Variants in ERC1 observed in about 807,000 individuals in gnomAD.
ERC1 encodes RAB6 interacting protein 2.
Under a neutral mutation model 132.0 loss-of-function variants are expected in ERC1, and 56 were observed. The observed-to-expected ratio is 0.42, with a 90% CI of 0.34 to 0.53. The LOEUF is 0.53. Ranked by LOEUF, ERC1 falls within the 20% of genes least tolerant of loss-of-function variation. The probability of loss-of-function intolerance (pLI) is 0.03; values close to 1 mark genes in which losing one functional copy is unlikely to be tolerated. For synonymous variants in ERC1, 478 were observed against 476.1 expected, an observed-to-expected ratio of 1.00 and a Z score of -0.05; for missense variants, 1,202 against 1,349.9, an observed-to-expected ratio of 0.89 and a Z score of 1.72.
intron 14 of ERC1, among the ~76,000 whole-genome samples, chr12:1,282,178 A>G (rs1233900058): frequency 6.6e-6 from 1 of 152,152 alleles, no homozygotes; most frequent in Non-Finnish European, 1.5e-5. Context: ...TGATTTTGGT[A>G]AACACTGATA....
At chr12:1,013,048 TC>T (rs1964957325) in intron 1 of ERC1, among the ~76,000 whole-genome samples, 1 of 152,198 alleles carries the variant, frequency 6.6e-6, no homozygotes, top group Non-Finnish European at 1.5e-5. Context: ...TTTACTTTGT[TC>T]AGCTTAATCA....
At chr12:1,037,816 G>A (rs573325948) in intron 2 of ERC1, among the ~76,000 whole-genome samples, 12 of 151,996 alleles carry the variant, frequency 7.9e-5, no homozygotes, top group Non-Finnish European at 1.2e-4. Flanking sequence ...AGGCCGAGGC[G>A]GGCAGATCAT....
chr12:1,358,927 A>G (rs898681921), intron 15 of ERC1, among the ~76,000 whole-genome samples: 1 of 151,624 alleles, frequency 6.6e-6, no homozygotes, highest in Non-Finnish European at 1.5e-5. Context: ...TTCAACCGTT[A>G]TAGTTTGGCA....
chr12:1,372,279 CT>C lies in ERC1; in HGVS notation c.2925+312del, dbSNP rs567234245. On this transcript the variant is annotated intron_variant, in intron 16 of 18. Coordinates refer to ENST00000360905, the MANE Select transcript of ERC1 (RefSeq NM_178040.4). ...AATTAGCCCATTTGACATGAAAAGG[CT>C]TTTTTTTTTAAACATCCAGCAAGAT... 1.3e-3 allele frequency among the ~76,000 whole-genome samples: 195 copies of C among 148,144 alleles called. 1 individual carries two copies. The highest frequency in any genetic ancestry group is 4.1e-3 in the East Asian group (21 of 5,106).
intron 1 of ERC1, among the ~76,000 whole-genome samples, chr12:1,012,589 C>T (rs941388939): frequency 2.0e-5 from 3 of 150,788 alleles, no homozygotes; most frequent in East Asian, 2.0e-4. Flanking sequence ...TCTTCTGCCT[C>T]AGCCTCCCAA....
At chr12:1,320,517 A>G (rs2082043599) in intron 15 of ERC1, among the ~76,000 whole-genome samples, 1 of 152,214 alleles carries the variant, frequency 6.6e-6, no homozygotes, top group Non-Finnish European at 1.5e-5. Context: ...AGTTACTTCT[A>G]ACAGTTTGCC....
chr12:1,484,942 A>T (rs73601971), intron 18 of ERC1, among the ~76,000 whole-genome samples: 10,995 of 149,908 alleles, frequency 0.073, 1,343 homozygotes, highest in African/African-American at 0.25. Context: ...GTGCAGCAAT[A>T]CAATCACATA....
At chr12:1,357,872 AG>A (rs1255821948) in intron 15 of ERC1, among the ~76,000 whole-genome samples, 1 of 152,162 alleles carries the variant, frequency 6.6e-6, no homozygotes, top group African/African-American at 2.4e-5. Context: ...CCAGATCTCC[AG>A]CGCAGATCAG....
chr12:1,147,666 T>C (rs1279094069), intron 8 of ERC1, among the ~76,000 whole-genome samples: 2 of 152,216 alleles, frequency 1.3e-5, no homozygotes, highest in Non-Finnish European at 2.9e-5. Flanking sequence ...TCTTTAAGTG[T>C]AGGATATTAT....
At chr12:1,084,938 G>A (rs1942779267) in intron 3 of ERC1, among the ~76,000 whole-genome samples, 1 of 152,210 alleles carries the variant, frequency 6.6e-6, no homozygotes, top group Non-Finnish European at 1.5e-5. Flanking sequence ...CTGGCCTCAA[G>A]CAATCCTCCC....
At chr12:1,350,228 T>C (rs1217920464) in intron 15 of ERC1, among the ~76,000 whole-genome samples, 1 of 152,180 alleles carries the variant, frequency 6.6e-6, no homozygotes, top group East Asian at 1.9e-4. Flanking sequence ...TCATTCTGAA[T>C]TTAGTATCTA....
At chr12:1,320,903 G>A (rs764517156) in intron 15 of ERC1, among the ~76,000 whole-genome samples, 44 of 152,138 alleles carry the variant, frequency 2.9e-4, no homozygotes, top group Non-Finnish European at 4.6e-4. Context: ...GGGTTTCACC[G>A]TGTTAGCCAG....
At chr12:1,424,859 TA>T (rs200327181) in intron 17 of ERC1, among the ~76,000 whole-genome samples, 4 of 117,470 alleles carry the variant, frequency 3.4e-5, no homozygotes, top group African/African-American at 8.1e-5. Context: ...GATAGATAGA[TA>T]GATCGATAGA....
chr12:1,470,310 C>A (rs1046167774), intron 18 of ERC1, among the ~76,000 whole-genome samples: 1 of 152,102 alleles, frequency 6.6e-6, no homozygotes, highest in Non-Finnish European at 1.5e-5. Flanking sequence ...CCTGCCTGGC[C>A]TGAGAGATTG....
chr12:1,029,219 G>A (rs1011842163), intron 2 of ERC1, among the ~76,000 whole-genome samples: 2 of 152,124 alleles, frequency 1.3e-5, no homozygotes, highest in East Asian at 1.9e-4. Flanking sequence ...AGGTGTGATG[G>A]CGTGTGCCTG....
chr12:1,483,112 C>T (rs919488176), intron 18 of ERC1, among the ~76,000 whole-genome samples: 2 of 152,130 alleles, frequency 1.3e-5, no homozygotes, highest in Non-Finnish European at 2.9e-5. Flanking sequence ...GCCTGGGCAA[C>T]ATGGCAAAAC....
chr12:1,332,906 G>A (rs1240350217), intron 15 of ERC1, among the ~76,000 whole-genome samples: 1 of 152,146 alleles, frequency 6.6e-6, no homozygotes, highest in African/African-American at 2.4e-5. Context: ...TTTAAGTACA[G>A]GGGTACATGT....
intron 2 of ERC1, among the ~76,000 whole-genome samples, chr12:1,059,592 A>C (rs1973633752): frequency 6.6e-6 from 1 of 152,156 alleles, no homozygotes; most frequent in South Asian, 2.1e-4. Context: ...TATTGAGATA[A>C]TCATATGGAT....
At chr12:1,306,161 C>T (rs2080867178) in intron 15 of ERC1, among the ~76,000 whole-genome samples, 1 of 152,180 alleles carries the variant, frequency 6.6e-6, no homozygotes, top group Admixed American at 6.5e-5. Flanking sequence ...TGCTTTGGCT[C>T]AGAGTTCCAT....
Sources: gnomAD v4.1 joint callset for allele counts (sites outside exome capture counted in the v4.1 genomes callset) on GRCh38, gnomAD v4.1.1 for gene constraint, MANE v1.5 for transcripts, NCBI Gene and HGNC (gene_info 2026-07-23, HGNC 2026-07-21) for gene names.